Variants in LRRC7 observed in about 807,000 individuals in gnomAD.
LRRC7 encodes the protein leucine-rich repeat-containing protein 7.
Under a neutral mutation model 175.7 loss-of-function variants are expected in LRRC7, and 23 were observed. That is an observed-to-expected ratio of 0.13 (90% confidence interval 0.09 to 0.19). The LOEUF (loss-of-function observed/expected upper bound fraction) is 0.19. Ranked by LOEUF, LRRC7 falls within the 10% of genes least tolerant of loss-of-function variation. LRRC7 has a pLI of 1.00. For missense variants in LRRC7, 1,354 were observed against 1,904.7 expected (o/e 0.71, Z 5.38); for synonymous variants, 685 against 680.9 (o/e 1.01, Z -0.09).
chr1:70,084,546 A>T (rs895888766), intron 24 of LRRC7, among the ~76,000 whole-genome samples: 1 of 152,150 alleles, frequency 6.6e-6, no homozygotes, highest in Non-Finnish European at 1.5e-5. Flanking sequence ...TTATGCATTT[A>T]TCAGTTGATG....
In LRRC7 at chr1:69,629,752, A is replaced by G. The variant is rs925201920; in HGVS notation, c.3-48629A>G. The stretch of plus-strand genomic sequence containing the variant: ...TTTCCCTCTCTCTCTGCCTATGTTA[A>G]CTGTAGAGGAAAGTAAATAATGCAT... On this transcript the variant is annotated intron_variant, in intron 1 of 26. Coordinates refer to ENST00000651989, the MANE Select transcript of LRRC7 (RefSeq NM_001370785.2). Among the ~76,000 whole-genome samples, 7 of 152,034 alleles carry G rather than the reference A, an allele frequency of 4.6e-5. No individual in the cohort carries two copies. The East Asian group carries it at 1.4e-3, about 29-fold the overall frequency.
intron 1 of LRRC7, among the ~76,000 whole-genome samples, chr1:69,572,324 AATTAT>A (rs753798531): frequency 2.6e-4 from 39 of 152,264 alleles, no homozygotes; most frequent in Non-Finnish European, 5.1e-4. Context: ...TAATGAAGCA[AATTAT>A]ATTATATTCT....
At chr1:69,824,930 T>G (rs983041450) in intron 4 of LRRC7, among the ~76,000 whole-genome samples, 13 of 152,202 alleles carry the variant, frequency 8.5e-5, no homozygotes, top group Admixed American at 2.0e-4. Context: ...CAGGGCCTAC[T>G]ACATTGATCC....
At chr1:69,774,976 C>A (rs558951278) in intron 3 of LRRC7, among the ~76,000 whole-genome samples, 1 of 151,698 alleles carries the variant, frequency 6.6e-6, no homozygotes, top group Non-Finnish European at 1.5e-5. Context: ...AGAGAGATTG[C>A]GGGATGTGAA....
At chr1:69,583,919 T>C (rs1202810129) in intron 1 of LRRC7, among the ~76,000 whole-genome samples, 1 of 152,128 alleles carries the variant, frequency 6.6e-6, no homozygotes, top group Non-Finnish European at 1.5e-5. Flanking sequence ...CAGAAAGGTA[T>C]TTGGGACTGC....
intron 7 of LRRC7, among the ~76,000 whole-genome samples, chr1:69,859,007 T>C (rs991266336): frequency 2.9e-4 from 44 of 152,082 alleles, no homozygotes; most frequent in African/African-American, 8.0e-4. Context: ...TTGACAGATC[T>C]GAAAGGAGCA....
chr1:70,016,463 A>G lies in LRRC7; in HGVS notation c.1251-2A>G. 1 of 1,578,086 alleles carries G rather than the reference A, an allele frequency of 6.3e-7. No homozygotes were observed. Among genetic ancestry groups the G allele is most frequent in the Non-Finnish European group, 8.6e-7 (1 of 1,164,684 alleles). Reference sequence around the variant, plus strand: ...GCTATTAGACTTTTTGTGTTTTTGCAGATTGAAGAATTTACCATTCTCATT... The same window carrying G: ...GCTATTAGACTTTTTGTGTTTTTGCGGATTGAAGAATTTACCATTCTCATT... On this transcript the variant is annotated splice_acceptor_variant, in intron 13 of 26. Coordinates refer to ENST00000651989, the MANE Select transcript of LRRC7 (RefSeq NM_001370785.2). LOFTEE classifies it high-confidence loss of function.
intron 7 of LRRC7, among the ~76,000 whole-genome samples, chr1:69,895,889 G>A (rs1645965135): frequency 6.6e-6 from 1 of 152,104 alleles, no homozygotes; most frequent in African/African-American, 2.4e-5. Flanking sequence ...AGGCTGCTAT[G>A]AATATTTATG....
intron 2 of LRRC7, among the ~76,000 whole-genome samples, chr1:69,717,851 A>G: frequency 2.3e-5 from 1 of 43,114 alleles, no homozygotes; most frequent in African/African-American, 1.2e-4. Flanking sequence ...AAAAGAAAGA[A>G]AGGAAAGAAA....
At chr1:70,008,206 A>G (rs1004084068) in intron 11 of LRRC7, among the ~76,000 whole-genome samples, 8 of 152,174 alleles carry the variant, frequency 5.3e-5, no homozygotes, top group Non-Finnish European at 1.0e-4. Context: ...GGCTAGGCCC[A>G]TCTCGCCTTT....
intron 25 of LRRC7, among the ~76,000 whole-genome samples, chr1:70,102,457 T>C (rs1664866541): frequency 6.6e-6 from 1 of 152,194 alleles, no homozygotes; most frequent in Non-Finnish European, 1.5e-5. Context: ...GTGGTATAGT[T>C]GGAGACTCAG....
intron 23 of LRRC7, among the ~76,000 whole-genome samples, chr1:70,059,451 A>G (rs1661400728): frequency 1.3e-5 from 2 of 150,726 alleles, no homozygotes; most frequent in African/African-American, 2.5e-5. Context: ...CTAGGAATTT[A>G]TCAGAAGAAG....
In LRRC7 at chr1:69,655,115, G is replaced by A. The variant is rs192978896; in HGVS notation, c.3-23266G>A. ...TTCAAGAAAGCTATGAACTTGCTCA[G>A]GTTCTGTGATAAATTACTACTCCAT... On this transcript the variant is annotated intron_variant, in intron 1 of 26. Transcript: ENST00000651989. 2.2e-4 allele frequency among the ~76,000 whole-genome samples: 33 copies of A among 152,074 alleles called. 1 individual carries two copies. The East Asian group carries it at 5.8e-3, about 27-fold the overall frequency.
intron 4 of LRRC7, among the ~76,000 whole-genome samples, chr1:69,824,950 A>C (rs1318320487): frequency 4.6e-5 from 7 of 152,152 alleles, no homozygotes; most frequent in Non-Finnish European, 8.8e-5. Context: ...CATTTCTGTC[A>C]ATTGATTGAA....
intron 1 of LRRC7, among the ~76,000 whole-genome samples, chr1:69,595,277 G>A (rs192884160): frequency 3.9e-5 from 6 of 151,934 alleles, no homozygotes; most frequent in South Asian, 2.1e-4. Context: ...AAAATTAGCC[G>A]GGCGTGGTGG....
At position 70,107,841 on chromosome 1, in the gene LRRC7, A is replaced by G. The variant is rs1665249719; in HGVS notation, c.4620+15A>G. 2 of 1,599,664 alleles carry G rather than the reference A, an allele frequency of 1.3e-6. No homozygotes were observed. The highest frequency in any genetic ancestry group is 1.7e-6 in the Non-Finnish European group (2 of 1,168,040). Reference sequence around the variant, plus strand: ...AGATCCTTCAGGTAAGACAGATAAAAGAAATGCATGCAAATGCCATACTGA... The same window carrying G: ...AGATCCTTCAGGTAAGACAGATAAAGGAAATGCATGCAAATGCCATACTGA... On this transcript the variant is annotated intron_variant, in intron 26 of 26. Transcript: ENST00000651989.
chr1:69,848,047 T>A (rs1268627878), intron 7 of LRRC7, among the ~76,000 whole-genome samples: 1 of 152,114 alleles, frequency 6.6e-6, no homozygotes, highest in Non-Finnish European at 1.5e-5. Flanking sequence ...TCCCTTTTTC[T>A]GTCTGAAAAA....
chr1:70,107,466 T>A (rs1665222293), intron 25 of LRRC7, among the ~76,000 whole-genome samples: 2 of 152,202 alleles, frequency 1.3e-5, no homozygotes, highest in African/African-American at 4.8e-5. Flanking sequence ...ACATTTCAAA[T>A]GATTTAAGGA....
intron 8 of LRRC7, among the ~76,000 whole-genome samples, chr1:69,936,713 T>G (rs965237463): frequency 3.9e-5 from 6 of 152,098 alleles, no homozygotes; most frequent in Non-Finnish European, 8.8e-5. Flanking sequence ...ATCTTCACCC[T>G]CCTCCTACCC....
Sources: allele counts gnomAD v4.1 joint callset (sites outside exome capture counted in the v4.1 genomes callset), GRCh38; gene constraint gnomAD v4.1.1; transcripts MANE v1.5; gene names NCBI Gene and HGNC (gene_info 2026-07-23, HGNC 2026-07-21).